Variants in DIAPH1 observed in about 807,000 individuals in gnomAD.
DIAPH1 encodes protein diaphanous homolog 1.
A neutral mutation model predicts 140.7 loss-of-function variants in DIAPH1; 46 were observed. That is an observed-to-expected ratio of 0.33 (90% CI 0.26 to 0.42). The LOEUF is 0.42. Ranked by LOEUF, DIAPH1 falls within the 10% of genes least tolerant of loss-of-function variation. The probability of loss-of-function intolerance (pLI) is 1.00; values close to 1 mark genes in which losing one functional copy is unlikely to be tolerated. For missense variants in DIAPH1, 1,310 were observed against 1,558.7 expected (o/e 0.84, Z 2.69); for synonymous variants, 565 against 551.6 (o/e 1.02, Z -0.34).
At chr5:141,590,692 G>A (rs941158525) in intron 1 of DIAPH1, among the ~76,000 whole-genome samples, 6 of 151,102 alleles carry the variant, frequency 4.0e-5, no homozygotes, top group East Asian at 2.0e-4. Context: ...CAGAACCTGC[G>A]TCTAAAGAAT....
intron 8 of DIAPH1, among the ~76,000 whole-genome samples, chr5:141,580,357 T>C (rs940041741): frequency 2.6e-5 from 4 of 152,164 alleles, no homozygotes; most frequent in African/African-American, 4.8e-5. Flanking sequence ...CTTTGCAGAA[T>C]AGGATTTGGC....
chr5:141,577,686 C>T, intron 11 of DIAPH1, 95 bp from the exon 12 acceptor site: 1 of 801,234 alleles, frequency 1.2e-6, no homozygotes, highest in East Asian at 2.5e-5. Context: ...GGAAAAGTAG[C>T]AAGACACCAC....
chr5:141,578,081 T>C, intron 11 of DIAPH1, 144 bp downstream of exon 11: 2 of 771,718 alleles, frequency 2.6e-6, no homozygotes, highest in South Asian at 1.4e-5. Context: ...GCAATAAAAA[T>C]ACACCTGCCT....
At chr5:141,520,548 C>T (rs569352600) in intron 27 of DIAPH1, among the ~76,000 whole-genome samples, 62 of 152,318 alleles carry the variant, frequency 4.1e-4, no homozygotes, top group African/African-American at 1.4e-3. Context: ...TGGAAGCTTC[C>T]TGAGGCCTCA....
rs759463075 is a variant in DIAPH1 at position 141,518,914 on chromosome 5, C to T, written c.3662-1906G>A. The T allele has an allele frequency of 1.1e-5, 17 of 1,548,770 alleles. No homozygotes were observed. In the South Asian group the frequency reaches 1.9e-4, roughly 17 times the overall value. On this transcript the variant is annotated intron_variant, in intron 27 of 27. Transcript: ENST00000389054. The stretch of plus-strand genomic sequence containing the variant: ...CAGGAGAGGCTGCCCATAGATCAAG[C>T]AGGGAACACGCAGCATGCACACAGG...
chr5:141,560,737 C>T (rs1369817554), intron 18 of DIAPH1: 1 of 399,708 alleles, frequency 2.5e-6, no homozygotes, highest in Admixed American at 2.9e-5. Flanking sequence ...TTCTCCATAA[C>T]AAAGGATTCT....
chr5:141,577,484 T>C lies in DIAPH1; in HGVS notation c.1271A>G (p.Tyr424Cys), dbSNP rs895429714. The C allele has an allele frequency of 1.8e-5, 29 of 1,610,790 alleles. No homozygotes were observed. Among genetic ancestry groups the C allele is most frequent in the Non-Finnish European group, 2.4e-5 (28 of 1,177,076 alleles). Residue 424 changes from tyrosine to cysteine, a missense_variant, in exon 12 of 28, where the codon TAT (tyrosine) becomes TGT (cysteine). This residue lies in a region of DIAPH1 where 589 missense variants were observed against 549.3 expected (regional missense o/e 1.07). Transcript: ENST00000389054. ...LQHLLLVRND[Y>C]EARPQYYKLI... is the part of the protein sequence containing the mutation. ...AAGCACAGCATCTTACCTGGCCTCA[T>C]AGTCATTTCGGACCAAGAGTAAGTG...
At chr5:141,536,446 G>C (rs932788148) in intron 18 of DIAPH1, among the ~76,000 whole-genome samples, 7 of 152,060 alleles carry the variant, frequency 4.6e-5, no homozygotes. Flanking sequence ...TAAAAGAAGT[G>C]AACAAAATAG....
At chr5:141,613,429 GA>G (rs546433530) in intron 1 of DIAPH1, among the ~76,000 whole-genome samples, 202 of 152,206 alleles carry the variant, frequency 1.3e-3, no homozygotes, top group African/African-American at 4.0e-3. Context: ...ATTTAGTAAA[GA>G]AAATGTAGAA....
chr5:141,582,870 T>G (rs2099896982), intron 6 of DIAPH1, among the ~76,000 whole-genome samples: 1 of 152,188 alleles, frequency 6.6e-6, no homozygotes. Context: ...CCAAGTATAT[T>G]ATAAGACTTC....
chr5:141,539,430 G>GTTTTTTTTTTTTTTGT (rs374210300), intron 18 of DIAPH1, among the ~76,000 whole-genome samples: 1 of 131,846 alleles, frequency 7.6e-6, no homozygotes. Context: ...TTTTTTTTTT[G>GTTTTTTTTTTTTTTGT]TTTTTTTTTT....
chr5:141,570,276 A>G (rs2099894977), intron 18 of DIAPH1, among the ~76,000 whole-genome samples: 1 of 152,186 alleles, frequency 6.6e-6, no homozygotes, highest in African/African-American at 2.4e-5. Context: ...TGAACTTACA[A>G]ATTAGAAAAT....
At chr5:141,591,982 C>T (rs1350069216) in intron 1 of DIAPH1, among the ~76,000 whole-genome samples, 6 of 147,914 alleles carry the variant, frequency 4.1e-5, no homozygotes, top group East Asian at 2.0e-4. Flanking sequence ...CTCAGGAGGC[C>T]GAGGCAGGAG....
intron 1 of DIAPH1, among the ~76,000 whole-genome samples, chr5:141,600,173 T>C (rs1252312299): frequency 6.6e-6 from 1 of 152,216 alleles, no homozygotes; most frequent in Non-Finnish European, 1.5e-5. Flanking sequence ...AGGCAGATTA[T>C]AGGCAGCCTC....
Position 141,579,130 on chromosome 5 carries a change from C to T in DIAPH1, c.891G>A (p.Pro297=), listed in dbSNP as rs116463365. 1,014 of 1,614,162 alleles carry T rather than the reference C, an allele frequency of 6.3e-4. 7 individuals are homozygous for T. In the African/African-American group the frequency reaches 0.012, roughly 18 times the overall value. ...TTCCACTTTTTAATCCATCCAGCAG[C>T]GGCTGGAAACGTTCCACTTCATCCA... ...AEMDEVERFQ[P]LLDGLKSGTT... The change falls in exon 9 of 28, where the codon CCG becomes CCA. Residue 297 remains proline, a synonymous_variant. Coordinates refer to ENST00000389054, the MANE Select transcript of DIAPH1 (RefSeq NM_005219.5).
intron 27 of DIAPH1, among the ~76,000 whole-genome samples, chr5:141,517,400 T>G (rs1363074746): frequency 6.6e-6 from 1 of 152,204 alleles, no homozygotes; most frequent in Non-Finnish European, 1.5e-5. Context: ...TAGTATTATT[T>G]TTGTTTTCTT....
intron 8 of DIAPH1, 130 bp from the exon 9 acceptor site, chr5:141,579,326 T>G: frequency 1.2e-6 from 1 of 809,580 alleles, no homozygotes; most frequent in African/African-American, 1.7e-5. Flanking sequence ...ATTTCTCACA[T>G]TATTATTCTC....
chr5:141,542,408 G>A (rs555683277), intron 18 of DIAPH1, among the ~76,000 whole-genome samples: 2 of 152,058 alleles, frequency 1.3e-5, no homozygotes, highest in African/African-American at 2.4e-5. Context: ...ACTCTGGACT[G>A]GGCAACAGAG....
intron 27 of DIAPH1, chr5:141,519,117 G>C: frequency 1.1e-6 from 1 of 915,890 alleles, no homozygotes; most frequent in East Asian, 2.6e-5. Context: ...ATTGGATTAT[G>C]AACATAAACT....
Sources: gnomAD v4.1 joint callset for allele counts (sites outside exome capture counted in the v4.1 genomes callset) on GRCh38, gnomAD v4.1.1 for gene constraint, gnomAD v4.1.1 regional missense constraint, MANE v1.5 for transcripts, NCBI Gene and HGNC (gene_info 2026-07-23, HGNC 2026-07-21) for gene names.